Variants in RAB6B observed in about 807,000 individuals in gnomAD.
RAB6B encodes the protein RAB6B, member RAS oncogene family.
Under a neutral mutation model 31.2 loss-of-function variants are expected in RAB6B, and 7 were observed. The observed-to-expected ratio is 0.22, with a 90% CI of 0.13 to 0.42. The LOEUF is 0.42. RAB6B is among the 10% of genes least tolerant of loss of function. The probability of loss-of-function intolerance (pLI) is 1.00; values close to 1 mark genes in which losing one functional copy is unlikely to be tolerated. For synonymous variants in RAB6B, 105 were observed against 104.9 expected (o/e 1.00, Z -0.01); for missense variants, 149 against 280.6 (o/e 0.53, Z 3.35).
chr3:133,875,500 T>C (rs1936382862), intron 1 of RAB6B, among the ~76,000 whole-genome samples: 2 of 152,212 alleles, frequency 1.3e-5, no homozygotes, highest in Admixed American at 6.5e-5. Context: ...CTATACAGCA[T>C]GGTGACTCCA....
Position 133,864,662 on chromosome 3 carries a change from G to A in RAB6B, c.71-20C>T, listed in dbSNP as rs1313170400. 3 of 1,609,582 alleles carry A rather than the reference G, an allele frequency of 1.9e-6. No individual in the cohort carries two copies. Among genetic ancestry groups the A allele is most frequent in the Non-Finnish European group, 2.6e-6 (3 of 1,175,814 alleles). ...TCCCGACTGCAAAACAACAAGGAGA[G>A]AGGTGTTCAGTCATGGCATCTGAGC... On this transcript the variant is annotated intron_variant, in intron 1 of 7. Transcript: ENST00000285208.
At chr3:133,878,261 G>A (rs1189565796) in intron 1 of RAB6B, among the ~76,000 whole-genome samples, 1 of 151,744 alleles carries the variant, frequency 6.6e-6, no homozygotes, top group Non-Finnish European at 1.5e-5. Flanking sequence ...CATAGTCAGT[G>A]ACAAAAAAAA....
intron 1 of RAB6B, 22 bp from the exon 2 acceptor site, chr3:133,864,664 G>A (rs1433083753): frequency 3.7e-6 from 6 of 1,609,138 alleles, no homozygotes; most frequent in Non-Finnish European, 4.3e-6. Context: ...CAAGGAGAGA[G>A]GTGTTCAGTC....
intron 1 of RAB6B, among the ~76,000 whole-genome samples, chr3:133,875,934 G>A (rs766179090): frequency 9.9e-5 from 15 of 152,184 alleles, no homozygotes; most frequent in Non-Finnish European, 1.5e-4. Context: ...GTACTATCCG[G>A]CATGCGACTA....
At chr3:133,839,736 G>T in intron 4 of RAB6B, 119 bp from the exon 5 acceptor site, 1 of 762,614 alleles carries the variant, frequency 1.3e-6, no homozygotes, top group East Asian at 2.5e-5. Flanking sequence ...AGATACCCAG[G>T]GAGGGGTGTG....
chr3:133,828,594 G>T lies in RAB6B; in HGVS notation c.*194C>A. 3.0e-6 allele frequency: 2 copies of T among 662,608 alleles called. No individual in the cohort carries two copies. The highest frequency in any genetic ancestry group is 2.6e-5 in the East Asian group (1 of 39,096). 41.0% of individuals were successfully genotyped at this position (662,608 alleles called of 1,614,324 possible). A position where few individuals can be genotyped will look rare whatever the true frequency, so the allele number is the denominator to read the frequency against. On this transcript the variant is annotated 3_prime_UTR_variant, in exon 8 of 8. Coordinates refer to ENST00000285208, the MANE Select transcript of RAB6B (RefSeq NM_016577.4). ...ACCAAACCAAAAAATAGTTGTTTAA[G>T]TAACAGCCGTTAAGAGTGATGTGAT...
intron 1 of RAB6B, among the ~76,000 whole-genome samples, chr3:133,889,637 C>T (rs757652875): frequency 6.6e-6 from 1 of 151,578 alleles, no homozygotes; most frequent in South Asian, 2.1e-4. Context: ...GATTTTGCCA[C>T]GTTGGCCAGG....
chr3:133,875,906 C>T (rs1454103830), intron 1 of RAB6B, among the ~76,000 whole-genome samples: 3 of 152,156 alleles, frequency 2.0e-5, no homozygotes, highest in Middle Eastern at 3.2e-3. Flanking sequence ...CGAACGCACT[C>T]GTGTGGAGGG....
rs989237204 is a variant in RAB6B, at chr3:133,832,574, G to A, written c.562+2001C>T. The stretch of plus-strand genomic sequence containing the variant: ...AAAGCACACACCTTCAAAACACCTG[G>A]ATTTGGACTGTGAGTAAGCAGAAAT... On this transcript the variant is annotated intron_variant, in intron 7 of 7. Transcript: ENST00000285208. Among the ~76,000 whole-genome samples, 4 of 152,228 alleles carry A rather than the reference G, an allele frequency of 2.6e-5. No individual in the cohort carries two copies. The East Asian group carries it at 7.7e-4, about 29-fold the overall frequency.
At position 133,895,571 on chromosome 3, in the gene RAB6B, A is replaced by T. The variant is rs1576414189; in HGVS notation, c.-105T>A. ...AGGCGGCCGGCGGTGCGGGAGCCGG[A>T]GGGGGAAGGGCTGGCTGCGCGCGTC... On this transcript the variant is annotated 5_prime_UTR_variant, in exon 1 of 8. Coordinates refer to ENST00000285208, the MANE Select transcript of RAB6B (RefSeq NM_016577.4). The T allele has an allele frequency of 3.5e-6, 4 of 1,156,300 alleles. No individual in the cohort carries two copies. In the East Asian group the frequency reaches 1.0e-4, roughly 29 times the overall value. 71.6% of individuals were successfully genotyped at this position (1,156,300 alleles called of 1,614,324 possible). A position where few individuals can be genotyped will look rare whatever the true frequency, so the allele number is the denominator to read the frequency against.
chr3:133,841,423 G>C lies in RAB6B; in HGVS notation c.184-33C>G, dbSNP rs748400783. On this transcript the variant is annotated intron_variant, in intron 3 of 7. Transcript: ENST00000285208. ...AGGGAGGGCAGGACCATGGGCAGAG[G>C]GGTCAGTGGGGCAGTGAGGTCCTCC... 15 of 1,607,194 alleles carry C rather than the reference G, an allele frequency of 9.3e-6. No individual in the cohort carries two copies. In the South Asian group the frequency reaches 9.9e-5, roughly 11 times the overall value.
In RAB6B at chr3:133,834,430, G is replaced by A. The variant is rs371831295; in HGVS notation, c.562+145C>T. The A allele has an allele frequency of 9.0e-5, 75 of 837,694 alleles. No homozygotes were observed. The highest frequency in any genetic ancestry group is 4.2e-4 in the African/African-American group (25 of 60,164). 51.9% of individuals were successfully genotyped at this position (837,694 alleles called of 1,614,324 possible). A position where few individuals can be genotyped will look rare whatever the true frequency, so the allele number is the denominator to read the frequency against. On this transcript the variant is annotated intron_variant, in intron 7 of 7. Coordinates refer to ENST00000285208, the MANE Select transcript of RAB6B (RefSeq NM_016577.4). Reference sequence around the variant, plus strand: ...AAACCATAGGGTTCAGCTGCATCCCGCCTAGAGGAGGCCCCGTGCCATTCG... The same window carrying A: ...AAACCATAGGGTTCAGCTGCATCCCACCTAGAGGAGGCCCCGTGCCATTCG...
At chr3:133,845,380 G>A (rs113625677) in intron 2 of RAB6B, among the ~76,000 whole-genome samples, 2,130 of 152,314 alleles carry the variant, frequency 0.014, 51 homozygotes, top group African/African-American at 0.049. Context: ...ATGTGAGGAC[G>A]CAGTGTTCGT....
At chr3:133,877,721 T>G (rs1936415478) in intron 1 of RAB6B, among the ~76,000 whole-genome samples, 1 of 149,650 alleles carries the variant, frequency 6.7e-6, no homozygotes, top group Non-Finnish European at 1.5e-5. Context: ...CAGATAAAGA[T>G]ATTAAGAAAT....
intron 1 of RAB6B, among the ~76,000 whole-genome samples, chr3:133,888,015 C>T (rs908069833): frequency 2.0e-5 from 3 of 152,188 alleles, no homozygotes; most frequent in Non-Finnish European, 4.4e-5. Flanking sequence ...CTCAGGGCCC[C>T]GCAGGTTCCT....
At chr3:133,837,758 T>TG (rs1935758460) in intron 6 of RAB6B, among the ~76,000 whole-genome samples, 1 of 152,158 alleles carries the variant, frequency 6.6e-6, no homozygotes. Context: ...CCTGAGCACT[T>TG]GCTAAGCGCA....
At chr3:133,836,541 C>A (rs949070435) in intron 6 of RAB6B, among the ~76,000 whole-genome samples, 3 of 152,168 alleles carry the variant, frequency 2.0e-5, no homozygotes, top group African/African-American at 7.2e-5. Flanking sequence ...CCTGCTAAAC[C>A]ACTGCATGGG....
chr3:133,832,793 C>T (rs576070628), intron 7 of RAB6B, among the ~76,000 whole-genome samples: 1 of 152,216 alleles, frequency 6.6e-6, no homozygotes, highest in Non-Finnish European at 1.5e-5. Flanking sequence ...CAGGTCACAA[C>T]ACCCTGTGCA....
chr3:133,884,631 C>T (rs1474677535), intron 1 of RAB6B, among the ~76,000 whole-genome samples: 1 of 152,324 alleles, frequency 6.6e-6, no homozygotes. Flanking sequence ...CAGGGAGGGA[C>T]AGGAAGCTGC....
Sources: gnomAD v4.1 joint callset for allele counts (sites outside exome capture counted in the v4.1 genomes callset) on GRCh38, gnomAD v4.1.1 for gene constraint, MANE v1.5 for transcripts, NCBI Gene and HGNC (gene_info 2026-07-23, HGNC 2026-07-21) for gene names.